The following ZNF148 variants were observed in gnomAD, a reference collection of about 807,000 sequenced individuals.
ZNF148 encodes the protein zinc finger protein 148, also known as Beta-Enolase Repressor Factor-1.
In ZNF148, 7 loss-of-function variants were observed where a neutral mutation model predicts 67.7. That is an observed-to-expected ratio of 0.10 (90% CI 0.06 to 0.19). ZNF148 has a LOEUF of 0.19. ZNF148 is among the 10% of genes least tolerant of loss of function. ZNF148 has a pLI of 1.00. For missense variants in ZNF148, 583 were observed against 947.1 expected, an observed-to-expected ratio of 0.62 and a Z score of 5.05; for synonymous variants, 333 against 330.7, an observed-to-expected ratio of 1.01 and a Z score of -0.08.
intron 7 of ZNF148, among the ~76,000 whole-genome samples, chr3:125,244,840 T>C (rs900031295): frequency 6.6e-6 from 1 of 152,060 alleles, no homozygotes; most frequent in Non-Finnish European, 1.5e-5. Context: ...CAACTCAAAG[T>C]GATCCCTTTC....
At position 125,287,418 on chromosome 3, in the gene ZNF148, G is replaced by A. The variant is rs534407238; in HGVS notation, c.459+685C>T. Among the ~76,000 whole-genome samples the A allele has an allele frequency of 2.4e-4, 37 of 152,132 alleles. No individual in the cohort carries two copies. In the East Asian group the frequency reaches 5.2e-3, roughly 22 times the overall value. On this transcript the variant is annotated intron_variant, in intron 5 of 8. Transcript: ENST00000360647. Reference sequence around the variant, plus strand: ...CTTTGGGAGGCTGAAGTGGGAGGACGGCTTGAGACCAGGAGTTTGAGACTA... The same window carrying A: ...CTTTGGGAGGCTGAAGTGGGAGGACAGCTTGAGACCAGGAGTTTGAGACTA...
intron 1 of ZNF148, among the ~76,000 whole-genome samples, chr3:125,332,540 C>T (rs568738394): frequency 1.4e-4 from 21 of 152,222 alleles, no homozygotes; most frequent in Non-Finnish European, 2.5e-4. Flanking sequence ...CAAACTGCTA[C>T]CTAATTTAAG....
rs371562319 is a variant in ZNF148 at position 125,287,684 on chromosome 3, A to G, written c.459+419T>C. ...TTACTGAGGATCTATTATGTCTCCT[A>G]TTCCAGGCTCTTAGGATACAGCTGT... On this transcript the variant is annotated intron_variant, in intron 5 of 8. Transcript: ENST00000360647. Among the ~76,000 whole-genome samples, 5 of 152,294 alleles carry G rather than the reference A, an allele frequency of 3.3e-5. No homozygotes were observed. The South Asian group carries it at 6.2e-4, about 19-fold the overall frequency.
At chr3:125,237,797 C>T (rs752110005) in intron 7 of ZNF148, among the ~76,000 whole-genome samples, 3 of 152,080 alleles carry the variant, frequency 2.0e-5, no homozygotes, top group Non-Finnish European at 4.4e-5. Context: ...AATTGACGAA[C>T]TAATCTTAAA....
At chr3:125,307,301 A>T (rs909449641) in intron 4 of ZNF148, among the ~76,000 whole-genome samples, 1 of 121,462 alleles carries the variant, frequency 8.2e-6, no homozygotes, top group Non-Finnish European at 1.8e-5. Flanking sequence ...TTAAATATCC[A>T]TTCATGTTTT....
intron 7 of ZNF148, among the ~76,000 whole-genome samples, chr3:125,251,318 G>C (rs1936830757): frequency 6.6e-6 from 1 of 152,138 alleles, no homozygotes; most frequent in African/African-American, 2.4e-5. Flanking sequence ...AAAATTTAAA[G>C]CATATAGAAA....
chr3:125,255,850 T>C (rs565687176), intron 7 of ZNF148, among the ~76,000 whole-genome samples: 2 of 152,008 alleles, frequency 1.3e-5, no homozygotes, highest in Non-Finnish European at 2.9e-5. Context: ...ATAATTTGTC[T>C]TTTTTTTCCC....
At chr3:125,281,517 T>C (rs888571643) in intron 5 of ZNF148, among the ~76,000 whole-genome samples, 2 of 152,184 alleles carry the variant, frequency 1.3e-5, no homozygotes, top group African/African-American at 2.4e-5. Flanking sequence ...GGCACTTCAA[T>C]AGCTTTCTGT....
intron 1 of ZNF148, among the ~76,000 whole-genome samples, chr3:125,368,493 G>A (rs185420202): frequency 9.9e-5 from 15 of 152,182 alleles, no homozygotes; most frequent in Middle Eastern, 6.8e-3. Context: ...AATTATTCCC[G>A]TTTCTGTGAT....
intron 1 of ZNF148, chr3:125,344,511 G>T: frequency 1.8e-6 from 2 of 1,132,386 alleles, no homozygotes; most frequent in South Asian, 1.2e-5. Context: ...CATCATCTGG[G>T]TTACAAAATG....
Position 125,225,906 on chromosome 3 carries a change from A to C in ZNF148, c.*6435T>G, listed in dbSNP as rs1935614163. On this transcript the variant is annotated 3_prime_UTR_variant, in exon 9 of 9. Transcript: ENST00000360647. ...TCATTGCGAGGGCCAATTAGTTTAA[A>C]TTTGTTCCATGGACCCAGACTGCAC... 1 of 152,220 alleles carries C rather than the reference A, an allele frequency of 6.6e-6. No individual in the cohort carries two copies. The highest frequency in any genetic ancestry group is 6.5e-5 in the Admixed American group (1 of 15,286). 9.4% of individuals were successfully genotyped at this position (152,220 alleles called of 1,614,324 possible). A position where few individuals can be genotyped will look rare whatever the true frequency, so the allele number is the denominator to read the frequency against.
At chr3:125,349,212 G>A (rs894146636) in intron 1 of ZNF148, among the ~76,000 whole-genome samples, 4 of 152,248 alleles carry the variant, frequency 2.6e-5, no homozygotes, top group African/African-American at 9.6e-5. Context: ...GGCAACAAGC[G>A]TAAAAACAGA....
intron 7 of ZNF148, among the ~76,000 whole-genome samples, chr3:125,243,572 G>A (rs1005836617): frequency 1.3e-5 from 2 of 152,144 alleles, no homozygotes; most frequent in Non-Finnish European, 2.9e-5. Flanking sequence ...CCAGGCTGGA[G>A]TGGAGTGACA....
chr3:125,346,848 T>C (rs1287274057), intron 1 of ZNF148, among the ~76,000 whole-genome samples: 14 of 152,150 alleles, frequency 9.2e-5, no homozygotes, highest in Admixed American at 9.2e-4. Flanking sequence ...AAACTTACTG[T>C]AAATTTTGCT....
intron 7 of ZNF148, among the ~76,000 whole-genome samples, chr3:125,245,325 G>C (rs1241993589): frequency 2.0e-5 from 3 of 152,092 alleles, no homozygotes. Flanking sequence ...CACGAGATCT[G>C]ACTGCTTTCT....
In ZNF148 at chr3:125,233,113, T is replaced by A; in HGVS notation, c.1613A>T (p.Asp538Val). 1 of 1,613,750 alleles carries A rather than the reference T, an allele frequency of 6.2e-7. No individual in the cohort carries two copies. The highest frequency in any genetic ancestry group is 8.5e-7 in the Non-Finnish European group (1 of 1,179,868). The change falls in exon 9 of 9, where the codon GAT (aspartate) becomes GTT (valine). Residue 538 changes from aspartate (D) to valine (V), a missense_variant. Transcript: ENST00000360647. This position sits in a 1 kb window ranked among gnomAD's most constrained non-coding sequence, Gnocchi z 5.1. The part of the protein sequence containing the change: ...KSNHDKNVIP[D>V]EVLQTLLDHY... Reference sequence around the variant, plus strand: ...ATCCAACAGAGTCTGCAGTACCTCATCTGGAATAACATTTTTGTCATGATT... The same window carrying A: ...ATCCAACAGAGTCTGCAGTACCTCAACTGGAATAACATTTTTGTCATGATT...
intron 7 of ZNF148, among the ~76,000 whole-genome samples, chr3:125,254,312 T>C (rs2107554688): frequency 6.6e-6 from 1 of 152,304 alleles, no homozygotes; most frequent in Non-Finnish European, 1.5e-5. Context: ...TTTTGACAAA[T>C]GTACCTACCA....
chr3:125,256,450 G>A (rs1382207780), intron 7 of ZNF148, among the ~76,000 whole-genome samples: 1 of 152,012 alleles, frequency 6.6e-6, no homozygotes, highest in East Asian at 1.9e-4. Context: ...GTCAAGGCGG[G>A]CGGATCACCT....
chr3:125,309,462 C>A (rs1940077039), intron 4 of ZNF148, among the ~76,000 whole-genome samples: 1 of 151,786 alleles, frequency 6.6e-6, no homozygotes, highest in Non-Finnish European at 1.5e-5. Context: ...CAGTAAATTG[C>A]CAAATAAATA....
Sources: allele counts gnomAD v4.1 joint callset (sites outside exome capture counted in the v4.1 genomes callset), GRCh38; gene constraint gnomAD v4.1.1; non-coding constraint Gnocchi (gnomAD v3.1); transcripts MANE v1.5; gene names NCBI Gene and HGNC (gene_info 2026-07-23, HGNC 2026-07-21).